Variants in AUTS2 observed in about 807,000 individuals in gnomAD.
AUTS2 encodes autism susceptibility gene 2 protein.
A neutral mutation model predicts 112.4 loss-of-function variants in AUTS2; 17 were observed. The ratio of observed to expected loss-of-function variants is 0.15; its 90% CI spans 0.10 to 0.23. The LOEUF is 0.23. AUTS2 is among the 10% of genes least tolerant of loss of function. The probability of loss-of-function intolerance (pLI) is 1.00; values close to 1 mark genes in which losing one functional copy is unlikely to be tolerated. For missense variants in AUTS2, 1,510 were observed against 1,701.6 expected (o/e 0.89, Z 1.98); for synonymous variants, 751 against 702.7 (o/e 1.07, Z -1.09).
intron 4 of AUTS2, among the ~76,000 whole-genome samples, chr7:70,389,295 G>T (rs145584024): frequency 1.1e-3 from 164 of 152,250 alleles, no homozygotes; most frequent in African/African-American, 3.6e-3. Context: ...GAATCTAAAA[G>T]AATGTATTTC....
At chr7:70,515,808 A>G (rs1317518467) in intron 5 of AUTS2, among the ~76,000 whole-genome samples, 2 of 152,186 alleles carry the variant, frequency 1.3e-5, no homozygotes, top group African/African-American at 2.4e-5. Flanking sequence ...TACATTTTGA[A>G]AAATGTTAAG....
chr7:70,136,757 G>A (rs76226449), intron 4 of AUTS2, among the ~76,000 whole-genome samples: 6,803 of 152,242 alleles, frequency 0.045, 192 homozygotes, highest in East Asian at 0.13. Context: ...AGCTATTAGC[G>A]CAATTGAACC....
chr7:70,283,045 T>A (rs888780879), intron 4 of AUTS2, among the ~76,000 whole-genome samples: 1 of 152,208 alleles, frequency 6.6e-6, no homozygotes, highest in African/African-American at 2.4e-5. Context: ...ATTTATATAC[T>A]ATAGTAGGGT....
At chr7:70,769,999 G>C (rs913677673) in intron 10 of AUTS2, among the ~76,000 whole-genome samples, 19 of 152,170 alleles carry the variant, frequency 1.2e-4, no homozygotes, top group Non-Finnish European at 2.8e-4. Context: ...CCCACCTGGA[G>C]GCAGAATACT....
chr7:69,623,109 A>G (rs1486703478), intron 1 of AUTS2, among the ~76,000 whole-genome samples: 2 of 152,230 alleles, frequency 1.3e-5, no homozygotes, highest in African/African-American at 4.8e-5. Flanking sequence ...ACCGAGTTGC[A>G]TATCTATACT....
intron 4 of AUTS2, among the ~76,000 whole-genome samples, chr7:70,321,397 A>G (rs192294961): frequency 7.0e-4 from 107 of 152,260 alleles, no homozygotes; most frequent in African/African-American, 2.2e-3. Flanking sequence ...TGTTTTGCAG[A>G]ATCTTGTTGG....
At chr7:70,652,091 A>T (rs778797815) in intron 5 of AUTS2, among the ~76,000 whole-genome samples, 1 of 152,212 alleles carries the variant, frequency 6.6e-6, no homozygotes, top group Non-Finnish European at 1.5e-5. Flanking sequence ...GGAAAGCTGC[A>T]AGAGCCATTT....
intron 2 of AUTS2, among the ~76,000 whole-genome samples, chr7:70,110,859 CTTTTTTTTTTTTTT>C (rs71077618): frequency 4.1e-4 from 34 of 82,786 alleles, no homozygotes; most frequent in Non-Finnish European, 4.8e-4. Flanking sequence ...TTCTTTCTTT[CTTTTTTTTTTTTTT>C]TTTTTTTTTT....
chr7:70,142,445 G>A (rs1180683903), intron 4 of AUTS2, among the ~76,000 whole-genome samples: 2 of 152,184 alleles, frequency 1.3e-5, no homozygotes, highest in Admixed American at 1.3e-4. Flanking sequence ...CCACAGGAAT[G>A]CAAGGCCATA....
chr7:70,300,731 C>G (rs1789174144), intron 4 of AUTS2, among the ~76,000 whole-genome samples: 1 of 152,110 alleles, frequency 6.6e-6, no homozygotes, highest in Non-Finnish European at 1.5e-5. Flanking sequence ...ATATTTTTTA[C>G]CTATTCATTA....
intron 5 of AUTS2, among the ~76,000 whole-genome samples, chr7:70,508,610 T>C (rs1411087708): frequency 6.6e-6 from 1 of 152,036 alleles, no homozygotes; most frequent in Non-Finnish European, 1.5e-5. Flanking sequence ...ACTGAGAAAA[T>C]ATGAGTGGGG....
At chr7:70,043,592 CCTTCCTT>C (rs1801354185) in intron 2 of AUTS2, among the ~76,000 whole-genome samples, 1 of 76,666 alleles carries the variant, frequency 1.3e-5, no homozygotes, top group African/African-American at 5.1e-5. Context: ...TTCCTTCCTT[CCTTCCTT>C]CCTTCCTTTT....
chr7:70,226,296 T>C (rs1811759564), intron 4 of AUTS2, among the ~76,000 whole-genome samples: 1 of 151,818 alleles, frequency 6.6e-6, no homozygotes, highest in South Asian at 2.1e-4. Context: ...CATGCCATTC[T>C]CTTGCCTCAG....
chr7:70,109,703 A>G (rs1351259110), intron 2 of AUTS2, among the ~76,000 whole-genome samples: 2 of 152,114 alleles, frequency 1.3e-5, no homozygotes, highest in Non-Finnish European at 2.9e-5. Flanking sequence ...ATAAATTGTA[A>G]ATGTTTCTCA....
At chr7:69,720,857 A>G (rs1165637143) in intron 1 of AUTS2, among the ~76,000 whole-genome samples, 2 of 152,188 alleles carry the variant, frequency 1.3e-5, no homozygotes, top group Non-Finnish European at 2.9e-5. Context: ...ACTACGAAAT[A>G]TTTTGAGGAT....
chr7:70,738,339 G>T (rs1386745775), intron 6 of AUTS2, among the ~76,000 whole-genome samples: 1 of 151,846 alleles, frequency 6.6e-6, no homozygotes, highest in Non-Finnish European at 1.5e-5. Context: ...AGATGAAAAG[G>T]CTATTAAGGC....
chr7:69,860,789 AG>A (rs1484110956), intron 1 of AUTS2, among the ~76,000 whole-genome samples: 2 of 152,156 alleles, frequency 1.3e-5, no homozygotes, highest in African/African-American at 4.8e-5. Flanking sequence ...TGTCCTTCAC[AG>A]GGTTCTGAGG....
chr7:69,747,838 T>G (rs1482947865), intron 1 of AUTS2, among the ~76,000 whole-genome samples: 2 of 149,288 alleles, frequency 1.3e-5, no homozygotes, highest in East Asian at 3.9e-4. Flanking sequence ...AGAGAAAGTG[T>G]GCCAGAAATT....
intron 1 of AUTS2, among the ~76,000 whole-genome samples, chr7:69,771,786 C>CTT (rs10585402): frequency 6.9e-6 from 1 of 143,904 alleles, no homozygotes. Context: ...GTCATGTGAC[C>CTT]TTTTTTTTTT....
Sources: allele counts gnomAD v4.1 joint callset (sites outside exome capture counted in the v4.1 genomes callset), GRCh38; gene constraint gnomAD v4.1.1; transcripts MANE v1.5; gene names NCBI Gene and HGNC (gene_info 2026-07-23, HGNC 2026-07-21).